Variants in PRIM2 observed in about 807,000 individuals in gnomAD.
PRIM2 encodes the protein DNA primase large subunit.
PRIM2 carries 39 observed loss-of-function variants against 67.3 expected under a neutral mutation model. That is an observed-to-expected ratio of 0.58 (90% CI 0.45 to 0.76). The LOEUF (loss-of-function observed/expected upper bound fraction) is 0.76, where lower values mean the gene tolerates loss of function less well. PRIM2 is among the 30% of genes least tolerant of loss of function. The probability of loss-of-function intolerance (pLI) is 0.00; values close to 1 mark genes in which losing one functional copy is unlikely to be tolerated. For synonymous variants in PRIM2, 143 were observed against 198.7 expected, an observed-to-expected ratio of 0.72 and a Z score of 2.36; for missense variants, 398 against 598.7, an observed-to-expected ratio of 0.66 and a Z score of 3.50.
chr6:57,241,365 C>T, the PRIM2 span, among the ~76,000 whole-genome samples: 1 of 151,928 alleles, frequency 6.6e-6, no homozygotes, highest in Non-Finnish European at 1.5e-5. Context: ...GCTATGATCA[C>T]ATCACTGCAC....
At chr6:57,484,987 A>T (rs1335248527) in intron 7 of PRIM2, among the ~76,000 whole-genome samples, 1 of 152,166 alleles carries the variant, frequency 6.6e-6, no homozygotes, top group African/African-American at 2.4e-5. Context: ...ACTGTCAGGG[A>T]GTAATCTAGT....
chr6:57,352,806 A>G (rs998508770), intron 5 of PRIM2, among the ~76,000 whole-genome samples: 3 of 151,980 alleles, frequency 2.0e-5, no homozygotes, highest in Admixed American at 6.6e-5. Context: ...ACTATAATAT[A>G]TATACCAGTC....
At chr6:57,235,200 T>C in the PRIM2 span, among the ~76,000 whole-genome samples, 2 of 152,018 alleles carry the variant, frequency 1.3e-5, no homozygotes, top group Non-Finnish European at 1.5e-5. Context: ...CGGTGGCTCA[T>C]GGCTGTAATC....
the PRIM2 span, among the ~76,000 whole-genome samples, chr6:57,233,718 T>C: frequency 1.3e-5 from 2 of 148,752 alleles, no homozygotes; most frequent in African/African-American, 2.5e-5. Flanking sequence ...TGTGCCATCA[T>C]AGCTCACTGT....
At chr6:57,325,896 T>G in intron 4 of PRIM2, 29 bp from the exon 5 acceptor site, 2 of 1,547,722 alleles carry the variant, frequency 1.3e-6, no homozygotes, top group Non-Finnish European at 1.7e-6. Flanking sequence ...ATTTTTAGTT[T>G]GTACTCATAA....
At chr6:57,551,529 A>G (rs1775402950) in intron 10 of PRIM2, among the ~76,000 whole-genome samples, 1 of 152,214 alleles carries the variant, frequency 6.6e-6, no homozygotes, top group Non-Finnish European at 1.5e-5. Flanking sequence ...TTTCTTTTGT[A>G]CTATCTCAGA....
chr6:57,330,383 G>GTTTTTTTTTTTTTTT (rs60270076), intron 5 of PRIM2, among the ~76,000 whole-genome samples: 3 of 99,558 alleles, frequency 3.0e-5, no homozygotes, highest in Non-Finnish European at 1.9e-5. Flanking sequence ...TTGTTTTTTT[G>GTTTTTTTTTTTTTTT]TTTTTTTTTT....
intron 7 of PRIM2, among the ~76,000 whole-genome samples, chr6:57,424,817 A>G (rs1276352682): frequency 6.6e-6 from 1 of 152,232 alleles, no homozygotes; most frequent in Non-Finnish European, 1.5e-5. Context: ...CAAATAAGTT[A>G]TATTAGTCTT....
chr6:57,566,348 A>C (rs1775740268), intron 10 of PRIM2, among the ~76,000 whole-genome samples: 1 of 152,150 alleles, frequency 6.6e-6, no homozygotes. Context: ...TTCTTCAACA[A>C]GTCTTCATCT....
chr6:57,455,216 C>A (rs1267867163), intron 7 of PRIM2, among the ~76,000 whole-genome samples: 23 of 151,934 alleles, frequency 1.5e-4, no homozygotes, highest in Non-Finnish European at 3.2e-4. Context: ...CTATGTGGTC[C>A]ATTTTGGAAT....
intron 7 of PRIM2, among the ~76,000 whole-genome samples, chr6:57,455,707 T>A (rs1388186847): frequency 0.033 from 5,019 of 152,320 alleles, 277 homozygotes; most frequent in African/African-American, 0.11. Context: ...GTTTCCTGAA[T>A]ACAGCCCATT....
rs556866832 is a variant in PRIM2, at chr6:57,407,611, C to T, written c.693+25443C>T. Among the ~76,000 whole-genome samples the T allele has an allele frequency of 1.3e-3, 193 of 152,322 alleles. 5 individuals are homozygous for T. In the East Asian group the frequency reaches 0.016, roughly 13 times the overall value. On this transcript the variant is annotated intron_variant, in intron 7 of 13. Transcript: ENST00000615550. The stretch of plus-strand genomic sequence containing the variant: ...TTATCCTTCAAATACGTATCATTTG[C>T]ATATTGCGGGTTAGGCCTGAGGCGG...
rs1196868689 is a variant in PRIM2 at position 57,487,092 on chromosome 6, T to C, written c.694-20295T>C. On this transcript the variant is annotated intron_variant, in intron 7 of 13. Coordinates refer to ENST00000615550, the MANE Select transcript of PRIM2 (RefSeq NM_000947.5). ...GGAAAACAATTTAAAAGATCACTAGTCAAGTTCTAACAATTCCCCTAGAAA... is the reference window on the plus strand; with the variant it reads ...GGAAAACAATTTAAAAGATCACTAGCCAAGTTCTAACAATTCCCCTAGAAA... Among the ~76,000 whole-genome samples, 25 of 152,330 alleles carry C rather than the reference T, an allele frequency of 1.6e-4. No individual in the cohort carries two copies. In the East Asian group the frequency reaches 4.6e-3, roughly 28 times the overall value.
intron 8 of PRIM2, among the ~76,000 whole-genome samples, chr6:57,510,831 C>G (rs1774349907): frequency 1.3e-5 from 2 of 151,776 alleles, no homozygotes; most frequent in South Asian, 4.2e-4. Flanking sequence ...TTTTATCTTC[C>G]TTTTGCTTAG....
intron 5 of PRIM2, among the ~76,000 whole-genome samples, chr6:57,341,707 T>C (rs1768497647): frequency 1.3e-5 from 2 of 152,248 alleles, no homozygotes. Context: ...GTGATGCTTT[T>C]AGACTCATGA....
chr6:57,559,815 A>G (rs1201163122), intron 10 of PRIM2, among the ~76,000 whole-genome samples: 1 of 152,220 alleles, frequency 6.6e-6, no homozygotes. Context: ...CAATGTAGAC[A>G]CCTTTATTTA....
chr6:57,323,428 A>G (rs1401378182), intron 3 of PRIM2, among the ~76,000 whole-genome samples: 1 of 152,132 alleles, frequency 6.6e-6, no homozygotes, highest in African/African-American at 2.4e-5. Context: ...GAAGAAAATT[A>G]AAAGAGAGGG....
At chr6:57,409,721 T>C (rs1269509720) in intron 7 of PRIM2, among the ~76,000 whole-genome samples, 3 of 152,208 alleles carry the variant, frequency 2.0e-5, no homozygotes, top group African/African-American at 7.2e-5. Context: ...TGAATATGTG[T>C]GTGTGTTGCA....
intron 7 of PRIM2, among the ~76,000 whole-genome samples, chr6:57,483,341 A>G (rs1171376808): frequency 2.0e-5 from 3 of 152,364 alleles, no homozygotes; most frequent in East Asian, 1.9e-4. Flanking sequence ...GCAGCAAGAA[A>G]GGAATGCCAA....
Sources: allele counts gnomAD v4.1 joint callset (sites outside exome capture counted in the v4.1 genomes callset), GRCh38; gene constraint gnomAD v4.1.1; transcripts MANE v1.5; gene names NCBI Gene and HGNC (gene_info 2026-07-23, HGNC 2026-07-21).